UAP1: variants seen among roughly 807,000 people sequenced by gnomAD.
UAP1 encodes the protein UDP-N-acetylglucosamine pyrophosphorylase 1, also known as UDP-N-acetylhexosamine pyrophosphorylase.
Under a neutral mutation model 58.5 loss-of-function variants are expected in UAP1, and 25 were observed. The observed-to-expected ratio is 0.43, with a 90% CI of 0.31 to 0.60. The LOEUF is 0.60. Among genes scored for constraint, UAP1 ranks in the 20% least tolerant of loss-of-function variants. UAP1 has a pLI of 0.11. For synonymous variants in UAP1, 208 were observed against 213.0 expected, an observed-to-expected ratio of 0.98 and a Z score of 0.21; for missense variants, 575 against 630.0, an observed-to-expected ratio of 0.91 and a Z score of 0.93.
chr1:162,572,597 A>C (rs983954032), intron 2 of UAP1, among the ~76,000 whole-genome samples: 2 of 152,256 alleles, frequency 1.3e-5, no homozygotes, highest in African/African-American at 4.8e-5. Context: ...TGCCATATGA[A>C]GAAAATGTAC....
chr1:162,581,144 C>G (rs1342657747), intron 4 of UAP1, 143 bp from the exon 5 acceptor site: 3 of 865,048 alleles, frequency 3.5e-6, no homozygotes, highest in South Asian at 4.1e-5. Flanking sequence ...ACACCTGATT[C>G]CTTCCTTATG....
At chr1:162,563,133 C>G (rs1653264351) in intron 1 of UAP1, among the ~76,000 whole-genome samples, 1 of 152,164 alleles carries the variant, frequency 6.6e-6, no homozygotes, top group South Asian at 2.1e-4. Context: ...CTGTTAATTG[C>G]TGCTTACCAT....
At chr1:162,572,020 T>A (rs74746570) in intron 2 of UAP1, among the ~76,000 whole-genome samples, 1,611 of 152,370 alleles carry the variant, frequency 0.011, 23 homozygotes, top group African/African-American at 0.037. Context: ...ATGAAAAGCC[T>A]TTTTATTGCA....
intron 5 of UAP1, among the ~76,000 whole-genome samples, chr1:162,585,713 A>G (rs1300139144): frequency 1.3e-5 from 2 of 152,064 alleles, no homozygotes; most frequent in East Asian, 1.9e-4. Flanking sequence ...GTGAATATGT[A>G]TATTTTTATT....
At chr1:162,577,435 C>CTTTTTTTTTTTTTTTTTTTT (rs67627704) in intron 3 of UAP1, among the ~76,000 whole-genome samples, 1 of 95,240 alleles carries the variant, frequency 1.0e-5, no homozygotes, top group African/African-American at 4.8e-5. Flanking sequence ...AGTTCCTTCC[C>CTTTTTTTTTTTTTTTTTTTT]TTTTTTTTTT....
intron 5 of UAP1, among the ~76,000 whole-genome samples, chr1:162,583,146 C>CT (rs11376471): frequency 0.77 from 52,352 of 68,100 alleles, 20,992 homozygotes; most frequent in South Asian, 0.85. Context: ...TGGTGTCACT[C>CT]TTTTTTTTTT....
intron 5 of UAP1, among the ~76,000 whole-genome samples, chr1:162,582,644 T>C (rs562014599): frequency 2.7e-4 from 41 of 152,306 alleles, no homozygotes; most frequent in Admixed American, 2.7e-3. Flanking sequence ...AGAAGAAAAT[T>C]AGAAGAATTT....
chr1:162,597,888 T>C (rs1655702599), intron 10 of UAP1, 30 bp downstream of exon 10: 1 of 1,566,944 alleles, frequency 6.4e-7, no homozygotes, highest in Admixed American at 1.8e-5. Context: ...TCCTCTATTC[T>C]TTTACAAAGC....
At chr1:162,586,140 G>A (rs982054175) in intron 5 of UAP1, among the ~76,000 whole-genome samples, 1 of 152,138 alleles carries the variant, frequency 6.6e-6, no homozygotes, top group African/African-American at 2.4e-5. Flanking sequence ...TTAGTTTTCT[G>A]GATGAGACTG....
At position 162,571,493 on chromosome 1, in the gene UAP1, C is replaced by A. The variant is rs565808365; in HGVS notation, c.280+5145C>A. Among the ~76,000 whole-genome samples the A allele has an allele frequency of 3.3e-5, 5 of 151,848 alleles. No individual in the cohort carries two copies. In the East Asian group the frequency reaches 7.8e-4, roughly 24 times the overall value. On this transcript the variant is annotated intron_variant, in intron 2 of 10. Coordinates refer to ENST00000271469, the Ensembl canonical transcript of UAP1. ...TTCCCTTGTGTAGGAAAATTATTAA[C>A]CCTTATGTCTTATCATGGAGAGATA... is the stretch of plus-strand genomic sequence containing the variant.
chr1:162,574,347 C>A (rs912463540), intron 2 of UAP1, among the ~76,000 whole-genome samples: 37 of 152,280 alleles, frequency 2.4e-4, no homozygotes, highest in African/African-American at 8.9e-4. Flanking sequence ...CCCACCTTGG[C>A]CTTCCAAAGT....
chr1:162,562,264 A>G (rs547976308), intron 1 of UAP1, among the ~76,000 whole-genome samples: 2 of 152,228 alleles, frequency 1.3e-5, no homozygotes, highest in East Asian at 1.9e-4. Context: ...TGGCACTGTC[A>G]GGTGGAAGCG....
intron 9 of UAP1, among the ~76,000 whole-genome samples, chr1:162,595,277 C>G (rs995725224): frequency 6.6e-6 from 1 of 152,200 alleles, no homozygotes. Context: ...ATGGAAGTTA[C>G]ATATTCAGGC....
intron 7 of UAP1, among the ~76,000 whole-genome samples, chr1:162,589,156 T>TA (rs1557977365): frequency 5.3e-4 from 56 of 106,404 alleles, no homozygotes; most frequent in African/African-American, 2.3e-3. Flanking sequence ...ATAATATATA[T>TA]TATATATAAT....
At chr1:162,573,174 T>C (rs1264266770) in intron 2 of UAP1, among the ~76,000 whole-genome samples, 2 of 152,158 alleles carry the variant, frequency 1.3e-5, no homozygotes, top group Non-Finnish European at 2.9e-5. Context: ...AAACTCAGAA[T>C]GGCTGTTAAA....
At chr1:162,567,202 T>A (rs1653569658) in intron 2 of UAP1, among the ~76,000 whole-genome samples, 1 of 152,216 alleles carries the variant, frequency 6.6e-6, no homozygotes, top group Non-Finnish European at 1.5e-5. Context: ...CATAATATTT[T>A]ATCTATGACC....
intron 3 of UAP1, among the ~76,000 whole-genome samples, chr1:162,577,434 C>CTTT (rs1557970274): frequency 8.0e-5 from 11 of 138,150 alleles, no homozygotes; most frequent in African/African-American, 3.2e-4. Context: ...TAGTTCCTTC[C>CTTT]CTTTTTTTTT....
intron 8 of UAP1, among the ~76,000 whole-genome samples, chr1:162,591,947 G>A (rs781000858): frequency 1.6e-4 from 24 of 152,180 alleles, no homozygotes; most frequent in Non-Finnish European, 2.8e-4. Context: ...ATTGTGCTCA[G>A]CCTAAATCTT....
chr1:162,580,001 A>G (rs1461565220), intron 4 of UAP1, among the ~76,000 whole-genome samples: 1 of 152,090 alleles, frequency 6.6e-6, no homozygotes, highest in African/African-American at 2.4e-5. Context: ...AGTAGCTGGG[A>G]TTACAGGCAC....
Sources: gnomAD v4.1 joint callset for allele counts (sites outside exome capture counted in the v4.1 genomes callset) on GRCh38, gnomAD v4.1.1 for gene constraint, MANE v1.5 for transcripts, NCBI Gene and HGNC (gene_info 2026-07-23, HGNC 2026-07-21) for gene names.